MAP3K20: variants seen among roughly 807,000 people sequenced by gnomAD.
MAP3K20 encodes mitogen-activated protein kinase kinase kinase 20, also known as HCCS-4.
Under a neutral mutation model 85.7 loss-of-function variants are expected in MAP3K20, and 40 were observed. That is an observed-to-expected ratio of 0.47 (90% CI 0.36 to 0.61). The LOEUF (loss-of-function observed/expected upper bound fraction) is 0.61, where lower values mean the gene tolerates loss of function less well. MAP3K20 is among the 20% of genes least tolerant of loss of function. MAP3K20 has a pLI of 0.00. For synonymous variants in MAP3K20, 325 were observed against 327.7 expected (o/e 0.99, Z 0.09); for missense variants, 817 against 961.7 (o/e 0.85, Z 1.99).
intron 13 of MAP3K20, 22 bp downstream of exon 13, chr2:173,232,244 C>A (rs778526401): frequency 3.7e-6 from 6 of 1,614,206 alleles, no homozygotes; most frequent in Non-Finnish European, 4.2e-6. Flanking sequence ...AAGTTACCTT[C>A]TTCAATCATG....
intron 2 of MAP3K20, among the ~76,000 whole-genome samples, chr2:173,154,165 A>C (rs1689388170): frequency 6.6e-6 from 1 of 152,016 alleles, no homozygotes; most frequent in African/African-American, 2.4e-5. Flanking sequence ...ACCCCGTCCC[A>C]GCTATGAACC....
chr2:173,199,692 T>C (rs185939230), intron 8 of MAP3K20, among the ~76,000 whole-genome samples: 258 of 147,174 alleles, frequency 1.8e-3, no homozygotes, highest in South Asian at 4.9e-3. Context: ...TTGTTTTGTT[T>C]TTGTTTTTTT....
chr2:173,155,575 T>A (rs902823406), intron 2 of MAP3K20, among the ~76,000 whole-genome samples: 1 of 152,220 alleles, frequency 6.6e-6, no homozygotes, highest in Non-Finnish European at 1.5e-5. Context: ...TAGCTTTCAA[T>A]AAATGTACAG....
chr2:173,173,183 TGTGTGTGTG>T (rs1690054389), intron 3 of MAP3K20, among the ~76,000 whole-genome samples: 1 of 138,620 alleles, frequency 7.2e-6, no homozygotes, highest in Non-Finnish European at 1.6e-5. Context: ...TGTGTGTGTG[TGTGTGTGTG>T]TGTGTCTGTG....
chr2:173,190,830 T>C, intron 5 of MAP3K20, 65 bp from the exon 6 acceptor site: 1 of 1,388,744 alleles, frequency 7.2e-7, no homozygotes. Context: ...TATGGTTTTT[T>C]TCAGTAGAAG....
At chr2:173,256,690 T>C (rs1309438324) in intron 16 of MAP3K20, among the ~76,000 whole-genome samples, 1 of 152,220 alleles carries the variant, frequency 6.6e-6, no homozygotes, top group Non-Finnish European at 1.5e-5. Flanking sequence ...TGAACCCTCC[T>C]AGCCCCCATT....
intron 2 of MAP3K20, among the ~76,000 whole-genome samples, chr2:173,134,428 A>ATATATATATATTTTT (rs56330241): frequency 3.2e-4 from 1 of 3,156 alleles, no homozygotes; most frequent in Non-Finnish European, 6.4e-4. Flanking sequence ...ATATATATAT[A>ATATATATATATTTTT]TTTTTTTTTT....
At chr2:173,147,054 A>T (rs115011954) in intron 2 of MAP3K20, among the ~76,000 whole-genome samples, 1,838 of 152,234 alleles carry the variant, frequency 0.012, 41 homozygotes, top group African/African-American at 0.042. Flanking sequence ...TCAATTATTT[A>T]TCTTTTTGTT....
At chr2:173,265,954 TC>T in intron 19 of MAP3K20, 95 bp from the exon 20 acceptor site, 2 of 1,294,406 alleles carry the variant, frequency 1.5e-6, no homozygotes, top group Non-Finnish European at 1.1e-6. Context: ...GCTTAGAGCA[TC>T]CCAAACAGCC....
At chr2:173,231,898 TA>T (rs1341385527) in intron 12 of MAP3K20, among the ~76,000 whole-genome samples, 1 of 152,142 alleles carries the variant, frequency 6.6e-6, no homozygotes, top group Non-Finnish European at 1.5e-5. Flanking sequence ...CACTGGCACA[TA>T]AATGGAAAAA....
intron 2 of MAP3K20, among the ~76,000 whole-genome samples, chr2:173,111,628 A>G (rs530624041): frequency 5.3e-5 from 8 of 152,280 alleles, no homozygotes; most frequent in Non-Finnish European, 1.0e-4. Context: ...ATCCAGTTTC[A>G]TTCTCCTACA....
At chr2:173,209,877 A>G in intron 10 of MAP3K20, 42 bp downstream of exon 10, 2 of 1,507,120 alleles carry the variant, frequency 1.3e-6, no homozygotes, top group Non-Finnish European at 1.8e-6. Context: ...TGGCTTTCAA[A>G]GACCATCACT....
At chr2:173,078,339 C>A (rs757247113) in intron 1 of MAP3K20, among the ~76,000 whole-genome samples, 2 of 152,122 alleles carry the variant, frequency 1.3e-5, no homozygotes, top group Non-Finnish European at 2.9e-5. Flanking sequence ...TTATTCTACC[C>A]AGGACAGATT....
intron 8 of MAP3K20, among the ~76,000 whole-genome samples, chr2:173,203,149 CA>C (rs1216661435): frequency 6.6e-6 from 1 of 152,094 alleles, no homozygotes; most frequent in African/African-American, 2.4e-5. Context: ...AAAACAAACA[CA>C]AAATGCTTCT....
chr2:173,259,432 T>C lies in MAP3K20; in HGVS notation c.1476+617T>C, dbSNP rs146467915. On this transcript the variant is annotated intron_variant, in intron 17 of 19. Coordinates refer to ENST00000375213, the MANE Select transcript of MAP3K20 (RefSeq NM_016653.3). ...AAAAAATTCAATTCTGTCCCAATCA[T>C]ACTGGAACAATACATATGAGACTTC... Among the ~76,000 whole-genome samples the C allele has an allele frequency of 5.3e-5, 8 of 152,370 alleles. 1 individual carries two copies. Among genetic ancestry groups the C allele is most frequent in the African/African-American group, 1.9e-4 (8 of 41,596 alleles).
At chr2:173,107,928 T>C (rs190989448) in intron 2 of MAP3K20, among the ~76,000 whole-genome samples, 253 of 152,304 alleles carry the variant, frequency 1.7e-3, no homozygotes, top group African/African-American at 5.8e-3. Flanking sequence ...CCCTGTGGCT[T>C]GTTAGCACTA....
chr2:173,209,076 TTTC>T (rs1683787705), intron 9 of MAP3K20, among the ~76,000 whole-genome samples: 1 of 152,190 alleles, frequency 6.6e-6, no homozygotes, highest in Non-Finnish European at 1.5e-5. Flanking sequence ...ATTGGGGTTT[TTTC>T]TTGTTTTTAC....
chr2:173,088,679 G>A (rs1687207556), intron 1 of MAP3K20, among the ~76,000 whole-genome samples: 1 of 152,180 alleles, frequency 6.6e-6, no homozygotes, highest in Admixed American at 6.5e-5. Context: ...TAAACCTAGT[G>A]TCTGTAATGC....
intron 19 of MAP3K20, among the ~76,000 whole-genome samples, chr2:173,264,532 G>A (rs887528109): frequency 6.6e-6 from 1 of 152,156 alleles, no homozygotes; most frequent in Non-Finnish European, 1.5e-5. Context: ...CAGACTACCC[G>A]TCAGCAATTC....
Sources: gnomAD v4.1 joint callset for allele counts (sites outside exome capture counted in the v4.1 genomes callset) on GRCh38, gnomAD v4.1.1 for gene constraint, MANE v1.5 for transcripts, NCBI Gene and HGNC (gene_info 2026-07-23, HGNC 2026-07-21) for gene names.